The following ADAM17 variants were observed in gnomAD, a reference collection of about 807,000 sequenced individuals.
ADAM17 encodes the protein ADAM metallopeptidase domain 17, also known as disintegrin and metalloproteinase domain-containing protein 17.
ADAM17 carries 39 observed loss-of-function variants against 96.7 expected under a neutral mutation model. The observed-to-expected ratio is 0.40, with a 90% CI of 0.31 to 0.53. The LOEUF is 0.53. Ranked by LOEUF, ADAM17 falls within the 20% of genes least tolerant of loss-of-function variation. ADAM17 has a pLI of 0.44. For synonymous variants in ADAM17, 344 were observed against 359.2 expected, an observed-to-expected ratio of 0.96 and a Z score of 0.48; for missense variants, 777 against 1,013.2, an observed-to-expected ratio of 0.77 and a Z score of 3.17.
intron 10 of ADAM17, among the ~76,000 whole-genome samples, chr2:9,511,000 C>T (rs1022412822): frequency 1.3e-5 from 2 of 152,050 alleles, no homozygotes; most frequent in African/African-American, 4.8e-5. Flanking sequence ...AACATCAAAC[C>T]TTGGCCATTT....
chr2:9,541,390 T>G (rs1665199430), intron 2 of ADAM17, among the ~76,000 whole-genome samples: 1 of 151,238 alleles, frequency 6.6e-6, no homozygotes. Flanking sequence ...TGGTGAAACC[T>G]CATCTCTACT....
At chr2:9,548,929 C>T (rs930703458) in intron 1 of ADAM17, among the ~76,000 whole-genome samples, 4 of 152,210 alleles carry the variant, frequency 2.6e-5, no homozygotes, top group African/African-American at 7.2e-5. Flanking sequence ...CTTCCACTCT[C>T]CCACTTCTCT....
chr2:9,551,798 A>C (rs1279369750), intron 1 of ADAM17, among the ~76,000 whole-genome samples: 1 of 152,168 alleles, frequency 6.6e-6, no homozygotes, highest in East Asian at 1.9e-4. Flanking sequence ...CATGAAAAAA[A>C]GTTTGTGTAC....
chr2:9,517,817 T>A (rs566430974), intron 10 of ADAM17, 84 bp downstream of exon 10: 110 of 906,650 alleles, frequency 1.2e-4, no homozygotes, highest in South Asian at 1.7e-4. Context: ...TTACATTTTT[T>A]AAAAAAATAC....
intron 1 of ADAM17, among the ~76,000 whole-genome samples, chr2:9,546,817 C>T (rs1172325057): frequency 6.7e-6 from 1 of 148,358 alleles, no homozygotes; most frequent in Non-Finnish European, 1.5e-5. Flanking sequence ...TCAAGCGATT[C>T]TCCTGTCTCA....
At chr2:9,546,675 C>T (rs1665413349) in intron 1 of ADAM17, among the ~76,000 whole-genome samples, 1 of 151,786 alleles carries the variant, frequency 6.6e-6, no homozygotes, top group Admixed American at 6.6e-5. Flanking sequence ...ATACCAGACA[C>T]TGCCGCACTG....
At chr2:9,499,631 T>C (rs989065482) in intron 13 of ADAM17, among the ~76,000 whole-genome samples, 1 of 152,172 alleles carries the variant, frequency 6.6e-6, no homozygotes, top group African/African-American at 2.4e-5. Context: ...CTCGATCTCC[T>C]GATCTCGTGA....
chr2:9,505,432 G>C (rs1349228417), intron 11 of ADAM17, 67 bp from the exon 12 acceptor site: 2 of 1,487,990 alleles, frequency 1.3e-6, no homozygotes, highest in Non-Finnish European at 1.9e-6. Context: ...TGCAATGTTT[G>C]TGTCTTCTCT....
At chr2:9,519,507 G>A (rs774584419) in intron 8 of ADAM17, among the ~76,000 whole-genome samples, 8 of 152,136 alleles carry the variant, frequency 5.3e-5, no homozygotes, top group East Asian at 1.9e-4. Flanking sequence ...CCAGTTGTAT[G>A]ACTAATCAGA....
Position 9,551,592 on chromosome 2 carries a change from T to C in ADAM17, c.97+3917A>G, listed in dbSNP as rs1197683594. 3.3e-5 allele frequency among the ~76,000 whole-genome samples: 5 copies of C among 152,212 alleles called. No individual in the cohort carries two copies. The South Asian group carries it at 6.2e-4, about 19-fold the overall frequency. ...CTCCTGCCTCAGCCTCCCGAGTAGC[T>C]GGGACTACAGGCGCCTGCTACCACA... On this transcript the variant is annotated intron_variant, in intron 1 of 18. Coordinates refer to ENST00000310823, the MANE Select transcript of ADAM17 (RefSeq NM_003183.6).
At chr2:9,520,612 T>TGCCCCTAATGCTTTTG (rs1664266744) in intron 8 of ADAM17, among the ~76,000 whole-genome samples, 1 of 152,136 alleles carries the variant, frequency 6.6e-6, no homozygotes, top group Non-Finnish European at 1.5e-5. Context: ...ATCCATGTTA[T>TGCCCCTAATGCTTTTG]TTTCTAGAGA....
chr2:9,545,278 C>T (rs1665362122), intron 1 of ADAM17, among the ~76,000 whole-genome samples: 1 of 152,070 alleles, frequency 6.6e-6, no homozygotes, highest in Non-Finnish European at 1.5e-5. Context: ...ATATGAAAAT[C>T]ACTGAACTGG....
intron 10 of ADAM17, among the ~76,000 whole-genome samples, chr2:9,514,461 T>C (rs1192145532): frequency 1.3e-4 from 18 of 141,612 alleles, no homozygotes; most frequent in Admixed American, 5.9e-4. Context: ...CATGTATACA[T>C]ATGTAACAAA....
intron 10 of ADAM17, among the ~76,000 whole-genome samples, chr2:9,513,866 C>G (rs1379753531): frequency 6.6e-6 from 1 of 151,978 alleles, no homozygotes; most frequent in Non-Finnish European, 1.5e-5. Context: ...ACAAAATTAG[C>G]TGGTCGTGAT....
intron 11 of ADAM17, among the ~76,000 whole-genome samples, chr2:9,506,591 T>G (rs1663415351): frequency 6.6e-6 from 1 of 151,928 alleles, no homozygotes; most frequent in African/African-American, 2.4e-5. Flanking sequence ...GGTCTCGATC[T>G]CTTGACCTCA....
At position 9,543,208 on chromosome 2, in the gene ADAM17, C is replaced by G. The variant is rs765061007; in HGVS notation, c.175G>C (p.Asp59His). 9 of 1,610,478 alleles carry G rather than the reference C, an allele frequency of 5.6e-6. No homozygotes were observed. The Admixed American group carries it at 1.5e-4, about 27-fold the overall frequency. ...NIQQHSVRKR[D>H]LQTSTHVETL... is the part of the protein sequence containing the mutation. ...TCTACATGTGTTGAAGTCTGTAGATCTCTTTTTCTTACCGAATGCTGCTGG... is the reference window on the plus strand; with the variant it reads ...TCTACATGTGTTGAAGTCTGTAGATGTCTTTTTCTTACCGAATGCTGCTGG... The change falls in exon 2 of 19, where the codon GAT becomes CAT. Residue 59 changes from aspartate to histidine, a missense_variant. Physicochemically the swap from Asp to His is moderately conservative, Grantham distance 81. This residue lies in a region of ADAM17 where 134 missense variants were observed against 129.1 expected (regional missense o/e 1.04). Coordinates refer to ENST00000310823, the MANE Select transcript of ADAM17 (RefSeq NM_003183.6).
chr2:9,536,552 T>A (rs1382383517), intron 3 of ADAM17, 146 bp downstream of exon 3: 1 of 1,075,286 alleles, frequency 9.3e-7, no homozygotes, highest in Admixed American at 3.1e-5. Context: ...CCTCTAAACT[T>A]ATATACCTCA....
At chr2:9,544,236 A>G (rs997148427) in intron 1 of ADAM17, among the ~76,000 whole-genome samples, 3 of 152,134 alleles carry the variant, frequency 2.0e-5, no homozygotes, top group Admixed American at 6.5e-5. Context: ...TAAGATTCTG[A>G]TATCAAAAGT....
chr2:9,555,723 T>C lies in ADAM17; in HGVS notation c.-118A>G. ...GCCCGGCCTAGCCCCTCAATCCTCT[T>C]TTCCCTCCCGCGCCGCCTACTGGGA... On this transcript the variant is annotated 5_prime_UTR_variant, in exon 1 of 19. Transcript: ENST00000310823. The C allele has an allele frequency of 1.2e-6, 1 of 816,428 alleles. No individual in the cohort carries two copies. Among genetic ancestry groups the C allele is most frequent in the Non-Finnish European group, 1.8e-6 (1 of 561,458 alleles). The allele number at this position is 816,428 out of a possible 1,614,324, so 50.6% of individuals were successfully genotyped here.
Sources: gnomAD v4.1 joint callset for allele counts (sites outside exome capture counted in the v4.1 genomes callset) on GRCh38, gnomAD v4.1.1 for gene constraint, gnomAD v4.1.1 regional missense constraint, MANE v1.5 for transcripts, NCBI Gene and HGNC (gene_info 2026-07-23, HGNC 2026-07-21) for gene names.